BCLAF3: variants seen among roughly 807,000 people sequenced by gnomAD.
BCLAF3 encodes the protein transient octamer binding factor 1.
BCLAF3 carries 24 observed loss-of-function variants against 51.2 expected under a neutral mutation model. The ratio of observed to expected loss-of-function variants is 0.47; its 90% confidence interval spans 0.34 to 0.66. BCLAF3 has a LOEUF of 0.66. Ranked by LOEUF, BCLAF3 falls within the 30% of genes least tolerant of loss-of-function variation. BCLAF3 has a pLI of 0.01. For missense variants in BCLAF3, 465 were observed against 525.1 expected (o/e 0.89, Z 1.12); for synonymous variants, 152 against 176.6 (o/e 0.86, Z 1.10).
chrX:19,988,365 G>C (rs1210133585), intron 1 of BCLAF3, among the ~76,000 whole-genome samples: 1 of 112,317 alleles, frequency 8.9e-6, no homozygotes, highest in African/African-American at 3.2e-5. Context: ...AATTTAAGGA[G>C]TGAAAGAGTA....
chrX:19,950,813 CG>C lies in BCLAF3; in HGVS notation c.1684del (p.Arg562GlufsTer15), dbSNP rs2071451742. 5.0e-6 allele frequency: 6 copies of C among 1,209,151 alleles called. No homozygotes were observed. Among genetic ancestry groups the C allele is most frequent in the Non-Finnish European group, 6.7e-6 (6 of 894,633 alleles). ...ATCTTCATTCTGTAACCGTTCTTTT[CG>C]CCTTCTTTCAATGTCATGTCGTAGG... is the stretch of plus-strand genomic sequence containing the variant. ...NDLRHDIERR[R>X]KERLQNEDEH... On this transcript the variant is annotated frameshift_variant, in exon 8 of 12. Transcript: ENST00000379682. LOFTEE classifies it high-confidence loss of function.
chrX:19,986,723 G>T (rs1432390210), intron 1 of BCLAF3, among the ~76,000 whole-genome samples: 1 of 109,828 alleles, frequency 9.1e-6, no homozygotes. Flanking sequence ...GAAGGGGGAA[G>T]AGAGAAACTA....
At chrX:19,939,233 T>C (rs1291944449) in intron 8 of BCLAF3, among the ~76,000 whole-genome samples, 2 of 112,342 alleles carry the variant, frequency 1.8e-5, no homozygotes, top group Non-Finnish European at 3.8e-5. Context: ...TGGTCATCTC[T>C]GACTGGTAAA....
chrX:19,989,389 G>C (rs777149473), intron 1 of BCLAF3, among the ~76,000 whole-genome samples: 6 of 111,331 alleles, frequency 5.4e-5, no homozygotes, highest in African/African-American at 2.0e-4. Context: ...CCAGCTACTC[G>C]GGAGGCTGAC....
At chrX:19,948,035 T>G (rs996293065) in intron 8 of BCLAF3, among the ~76,000 whole-genome samples, 4 of 111,982 alleles carry the variant, frequency 3.6e-5, no homozygotes, top group Non-Finnish European at 5.6e-5. Flanking sequence ...TAGGATAAAG[T>G]GAGAGATTAA....
chrX:19,925,718 A>T (rs769358432), intron 11 of BCLAF3, among the ~76,000 whole-genome samples: 21 of 111,994 alleles, frequency 1.9e-4, no homozygotes, highest in Non-Finnish European at 3.6e-4. Flanking sequence ...ACGGAAAGCA[A>T]CACTGGAAGA....
At chrX:19,990,787 G>C (rs1224380215) in intron 1 of BCLAF3, among the ~76,000 whole-genome samples, 121 bp downstream of exon 1, 2 of 111,561 alleles carry the variant, frequency 1.8e-5, no homozygotes, top group Non-Finnish European at 3.8e-5. Context: ...AACCCGAGTC[G>C]GACCGCCGCA....
intron 8 of BCLAF3, among the ~76,000 whole-genome samples, chrX:19,940,715 A>G (rs1226879546): frequency 9.3e-6 from 1 of 107,411 alleles, no homozygotes; most frequent in Non-Finnish European, 1.9e-5. Context: ...ATTGTGAATA[A>G]TGCCGCAATA....
At chrX:19,952,135 A>AT (rs2071506004) in intron 7 of BCLAF3, among the ~76,000 whole-genome samples, 1 of 111,999 alleles carries the variant, frequency 8.9e-6, no homozygotes. Context: ...ATTATAGGTG[A>AT]TTTTTTAAAA....
intron 4 of BCLAF3, among the ~76,000 whole-genome samples, chrX:19,962,962 G>A (rs1421030859): frequency 9.2e-6 from 1 of 108,502 alleles, no homozygotes; most frequent in Admixed American, 9.9e-5. Flanking sequence ...GTGCAGGCCT[G>A]TAGTCCCAGC....
At chrX:19,937,220 G>T in intron 9 of BCLAF3, 198 bp downstream of exon 9, 2 of 406,214 alleles carry the variant, frequency 4.9e-6, no homozygotes, top group Non-Finnish European at 4.3e-6. Flanking sequence ...TTTATTTAAT[G>T]AATCCAATAA....
At chrX:19,944,074 T>C (rs1603308969) in intron 8 of BCLAF3, among the ~76,000 whole-genome samples, 1 of 56,697 alleles carries the variant, frequency 1.8e-5, no homozygotes, top group African/African-American at 7.5e-5. Flanking sequence ...AAAGTCTGTT[T>C]TATCAGAGAC....
chrX:19,955,966 A>G (rs1455521916), intron 4 of BCLAF3, among the ~76,000 whole-genome samples: 1 of 112,328 alleles, frequency 8.9e-6, no homozygotes, highest in Non-Finnish European at 1.9e-5. Context: ...ACCACACTTT[A>G]AAAGCTGATA....
chrX:19,946,202 C>G (rs899581861), intron 8 of BCLAF3, among the ~76,000 whole-genome samples: 1 of 111,935 alleles, frequency 8.9e-6, no homozygotes, highest in Non-Finnish European at 1.9e-5. Flanking sequence ...GAACCCGGTA[C>G]CTCAGATGGA....
chrX:19,972,650 C>G (rs1224698982), intron 1 of BCLAF3, among the ~76,000 whole-genome samples: 1 of 111,364 alleles, frequency 9.0e-6, no homozygotes, highest in African/African-American at 3.3e-5. Context: ...AGTGAATCCC[C>G]ACTTCTCCCC....
At chrX:19,988,315 T>C (rs1201892355) in intron 1 of BCLAF3, among the ~76,000 whole-genome samples, 2 of 112,566 alleles carry the variant, frequency 1.8e-5, no homozygotes, top group Admixed American at 9.5e-5. Context: ...TGATAAAGTT[T>C]TGAATATAAT....
At chrX:19,973,762 CTG>C (rs1195960968) in intron 1 of BCLAF3, among the ~76,000 whole-genome samples, 6 of 112,180 alleles carry the variant, frequency 5.3e-5, no homozygotes, top group Admixed American at 9.5e-5. Flanking sequence ...ATTTACATAA[CTG>C]TATTTATTTC....
Position 19,913,993 on chromosome X carries a change from T to C in BCLAF3, c.*3312A>G, listed in dbSNP as rs1339312250. ...CATAATCATCCTATTTGACGGAACT[T>C]TGTTGGGGAACCTGGTATCCCCTCT... On this transcript the variant is annotated 3_prime_UTR_variant, in exon 12 of 12. Coordinates refer to ENST00000379682, the MANE Select transcript of BCLAF3 (RefSeq NM_001367774.2). The C allele has an allele frequency of 9.0e-6, 1 of 111,305 alleles. No homozygotes were observed. The highest frequency in any genetic ancestry group is 1.9e-5 in the Non-Finnish European group (1 of 53,090). The allele number at this position is 111,305 out of a possible 1,213,427, so 9.2% of individuals were successfully genotyped here.
At chrX:19,936,414 G>T (rs1352905437) in intron 9 of BCLAF3, among the ~76,000 whole-genome samples, 1 of 111,917 alleles carries the variant, frequency 8.9e-6, no homozygotes, top group Admixed American at 9.5e-5. Context: ...TAACTATGAA[G>T]AACCTAAATC....
Sources: allele counts gnomAD v4.1 joint callset (sites outside exome capture counted in the v4.1 genomes callset), GRCh38; gene constraint gnomAD v4.1.1; transcripts MANE v1.5; gene names NCBI Gene and HGNC (gene_info 2026-07-23, HGNC 2026-07-21).